Variants in SYCP2L observed in about 807,000 individuals in gnomAD.
The protein encoded by SYCP2L is synaptonemal complex protein 2 like.
In SYCP2L, 98 loss-of-function variants were observed where a neutral mutation model predicts 125.8. The observed-to-expected ratio is 0.78, with a 90% CI of 0.66 to 0.92. The LOEUF (loss-of-function observed/expected upper bound fraction) is 0.92, where lower values mean the gene tolerates loss of function less well. SYCP2L is among the 40% of genes least tolerant of loss of function. SYCP2L has a pLI of 0.00. For synonymous variants in SYCP2L, 317 were observed against 325.4 expected, an observed-to-expected ratio of 0.97 and a Z score of 0.28; for missense variants, 842 against 936.4, an observed-to-expected ratio of 0.90 and a Z score of 1.32.
chr6:10,930,216 C>T, intron 18 of SYCP2L, 154 bp from the exon 19 acceptor site: 1 of 668,618 alleles, frequency 1.5e-6, no homozygotes, highest in Non-Finnish European at 2.3e-6. Context: ...TCCTTTTCTT[C>T]CACTCCATAC....
chr6:10,909,008 G>A (rs1015298750), intron 10 of SYCP2L, among the ~76,000 whole-genome samples: 11 of 151,760 alleles, frequency 7.2e-5, no homozygotes, highest in African/African-American at 2.4e-4. Context: ...TTTCCTTTCT[G>A]CTCTTTGTCA....
chr6:10,918,814 G>A (rs535918859), intron 14 of SYCP2L, among the ~76,000 whole-genome samples: 13 of 152,310 alleles, frequency 8.5e-5, no homozygotes, highest in South Asian at 2.1e-4. Context: ...GATTACAGGC[G>A]TGAGCTACCA....
At chr6:10,971,399 A>G (rs1389309303) in intron 29 of SYCP2L, among the ~76,000 whole-genome samples, 1 of 149,662 alleles carries the variant, frequency 6.7e-6, no homozygotes, top group Non-Finnish European at 1.5e-5. Flanking sequence ...CAGAGGTTGC[A>G]GTGAGCCGAG....
intron 28 of SYCP2L, among the ~76,000 whole-genome samples, chr6:10,962,341 A>G (rs1225423323): frequency 6.8e-6 from 1 of 147,038 alleles, no homozygotes; most frequent in Non-Finnish European, 1.5e-5. Context: ...TGAGTTATCC[A>G]TCCTGCCTTT....
At chr6:10,906,211 G>A (rs1780485635) in intron 9 of SYCP2L, among the ~76,000 whole-genome samples, 157 bp downstream of exon 9, 1 of 151,978 alleles carries the variant, frequency 6.6e-6, no homozygotes, top group African/African-American at 2.4e-5. Context: ...TAGCATGCTG[G>A]AAACTGTAAA....
intron 16 of SYCP2L, 21 bp from the exon 17 acceptor site, chr6:10,927,219 T>A: frequency 6.2e-7 from 1 of 1,613,532 alleles, no homozygotes; most frequent in Non-Finnish European, 8.5e-7. Context: ...ATTATATTAG[T>A]CTTTTTCTTA....
Position 10,907,694 on chromosome 6 carries a change from C to A in SYCP2L, c.819+10C>A. On this transcript the variant is annotated intron_variant, in intron 10 of 29. Coordinates refer to ENST00000283141, the MANE Select transcript of SYCP2L (RefSeq NM_001040274.3). ...TCGAGAATTTGAGACGGTGAGATTC[C>A]TGGCCATGCGAATTTCTTATTAGCC... The A allele has an allele frequency of 6.2e-7, 1 of 1,610,788 alleles. No individual in the cohort carries two copies. Among genetic ancestry groups the A allele is most frequent in the Non-Finnish European group, 8.5e-7 (1 of 1,178,640 alleles).
intron 2 of SYCP2L, among the ~76,000 whole-genome samples, chr6:10,892,595 G>A (rs981351406): frequency 6.6e-5 from 10 of 152,184 alleles, no homozygotes; most frequent in Admixed American, 2.6e-4. Context: ...CCTGCGCCTG[G>A]TAATGGCAGA....
chr6:10,922,570 A>G, intron 14 of SYCP2L: 1 of 150,306 alleles, frequency 6.7e-6, no homozygotes, highest in East Asian at 2.0e-4. Context: ...GGTTCACGCC[A>G]TTCTTCTGCC....
intron 29 of SYCP2L, among the ~76,000 whole-genome samples, chr6:10,967,066 G>A (rs942384207): frequency 6.6e-6 from 1 of 152,090 alleles, no homozygotes; most frequent in Non-Finnish European, 1.5e-5. Context: ...ACAGCAATAT[G>A]TCAATAAATT....
At chr6:10,889,942 A>G (rs577303366) in intron 1 of SYCP2L, among the ~76,000 whole-genome samples, 8 of 152,102 alleles carry the variant, frequency 5.3e-5, no homozygotes, top group Non-Finnish European at 7.4e-5. Flanking sequence ...TTTAGCCTCT[A>G]CATGTGATCA....
At chr6:10,908,511 G>A (rs1780548917) in intron 10 of SYCP2L, among the ~76,000 whole-genome samples, 1 of 152,086 alleles carries the variant, frequency 6.6e-6, no homozygotes, top group South Asian at 2.1e-4. Context: ...ATAGCGTATG[G>A]CTTTGCTGTG....
At chr6:10,950,388 G>A (rs80262997) in intron 23 of SYCP2L, among the ~76,000 whole-genome samples, 3,134 of 152,106 alleles carry the variant, frequency 0.021, 113 homozygotes, top group African/African-American at 0.07. Context: ...AATGTTCTCT[G>A]TTGGTATTAC....
At chr6:10,923,639 C>T (rs1027908314) in intron 14 of SYCP2L, among the ~76,000 whole-genome samples, 3 of 150,654 alleles carry the variant, frequency 2.0e-5, no homozygotes, top group African/African-American at 2.4e-5. Flanking sequence ...CCGCCTCGGC[C>T]TCCCAAAGTG....
intron 11 of SYCP2L, 66 bp downstream of exon 11, chr6:10,910,266 C>A: frequency 7.0e-7 from 1 of 1,423,442 alleles, no homozygotes; most frequent in Non-Finnish European, 9.9e-7. Flanking sequence ...TTTAAAAGAA[C>A]AGTTTAGGGT....
At chr6:10,919,359 A>G (rs1298785269) in intron 14 of SYCP2L, among the ~76,000 whole-genome samples, 3 of 152,018 alleles carry the variant, frequency 2.0e-5, no homozygotes, top group Non-Finnish European at 4.4e-5. Flanking sequence ...GGATCTAGCC[A>G]CCCAGCAAGT....
rs753079805 is a variant in SYCP2L at position 10,902,738 on chromosome 6, T to C, written c.528T>C (p.Thr176=). ...LSLGFLVTEK[T]VNHLLQQEGL... ...TAGGATTCCTGGTGACAGAAAAGAC[T>C]GTAAATCATTTGCTTCAACAGGAGG... The change falls in exon 7 of 30, where the codon ACT becomes ACC. Residue 176 remains threonine, a synonymous_variant. Coordinates refer to ENST00000283141, the MANE Select transcript of SYCP2L (RefSeq NM_001040274.3). 5.0e-6 allele frequency: 8 copies of C among 1,614,062 alleles called. No individual in the cohort carries two copies. The highest frequency in any genetic ancestry group is 6.8e-6 in the Non-Finnish European group (8 of 1,180,026).
intron 9 of SYCP2L, among the ~76,000 whole-genome samples, chr6:10,906,619 T>TG (rs761048945): frequency 4.6e-5 from 7 of 151,216 alleles, no homozygotes; most frequent in Non-Finnish European, 7.4e-5. Context: ...TTTTTTTTGA[T>TG]GGAGTTTTGC....
chr6:10,968,359 T>A (rs1399807951), intron 29 of SYCP2L, among the ~76,000 whole-genome samples: 1 of 152,106 alleles, frequency 6.6e-6, no homozygotes, highest in Non-Finnish European at 1.5e-5. Flanking sequence ...CAGGGCCCAG[T>A]GGACAAAGGG....
Sources: gnomAD v4.1 joint callset for allele counts (sites outside exome capture counted in the v4.1 genomes callset) on GRCh38, gnomAD v4.1.1 for gene constraint, MANE v1.5 for transcripts, NCBI Gene and HGNC (gene_info 2026-07-23, HGNC 2026-07-21) for gene names.